Variants in ADAMTS2 observed in about 807,000 individuals in gnomAD.
ADAMTS2 encodes the protein A disintegrin and metalloproteinase with thrombospondin motifs 2.
In ADAMTS2, 50 loss-of-function variants were observed where a neutral mutation model predicts 123.0. That is an observed-to-expected ratio of 0.41 (90% CI 0.32 to 0.51). The LOEUF is 0.51. Among genes scored for constraint, ADAMTS2 ranks in the 20% least tolerant of loss-of-function variants. ADAMTS2 has a pLI of 0.35. For synonymous variants in ADAMTS2, 678 were observed against 695.4 expected (o/e 0.98, Z 0.39); for missense variants, 1,494 against 1,705.2 (o/e 0.88, Z 2.18).
chr5:179,130,052 A>C lies in ADAMTS2; in HGVS notation c.2337T>G (p.Asn779Lys). 6.2e-7 allele frequency: 1 copy of C among 1,614,116 alleles called. No homozygotes were observed. The highest frequency in any genetic ancestry group is 8.5e-7 in the Non-Finnish European group (1 of 1,180,026). The change falls in exon 16 of 22, where the codon AAT becomes AAG. Residue 779 changes from asparagine (N) to lysine (K), a missense_variant. Around this residue, in one of 6 missense-constraint regions of ADAMTS2, gnomAD observed 953 missense variants for 1,124.7 expected, o/e 0.85. Transcript: ENST00000251582. This position sits in a 1 kb window ranked among gnomAD's most constrained non-coding sequence, Gnocchi z 4.3. ...AGGTTTTGGAACTGGCATCCACGTC[A>C]TTCTCTTCATTTAAGATGAACTTGC... is the stretch of plus-strand genomic sequence containing the variant. ...ETGKFILNEE[N>K]DVDASSKTFI...
intron 4 of ADAMTS2, among the ~76,000 whole-genome samples, chr5:179,195,794 G>A (rs748214612): frequency 1.3e-5 from 2 of 152,174 alleles, no homozygotes; most frequent in South Asian, 2.1e-4. Flanking sequence ...TAAGGCCAGC[G>A]GGACAAGCGT....
intron 3 of ADAMTS2, among the ~76,000 whole-genome samples, chr5:179,249,526 G>C (rs1561633179): frequency 6.6e-6 from 1 of 152,116 alleles, no homozygotes; most frequent in African/African-American, 2.4e-5. Context: ...GATAAAAAGA[G>C]AGAAGGCTCC....
chr5:179,301,428 C>T (rs1410452662), intron 2 of ADAMTS2, among the ~76,000 whole-genome samples: 6 of 152,172 alleles, frequency 3.9e-5, no homozygotes, highest in African/African-American at 1.4e-4. Context: ...TATCATTATG[C>T]CCATTTTACA....
chr5:179,341,033 G>A (rs115561455), intron 2 of ADAMTS2, among the ~76,000 whole-genome samples: 1,762 of 152,206 alleles, frequency 0.012, 13 homozygotes, highest in Non-Finnish European at 0.019. Context: ...AATAACTTCC[G>A]TCTAGTCACT....
At chr5:179,275,968 A>G (rs1208565353) in intron 2 of ADAMTS2, among the ~76,000 whole-genome samples, 1 of 151,694 alleles carries the variant, frequency 6.6e-6, no homozygotes, top group African/African-American at 2.4e-5. Context: ...TCTGGGGAAG[A>G]GGCCTAGGAG....
rs1763518801 is a variant in ADAMTS2 at position 179,158,126 on chromosome 5, T to G, written c.1132+597A>C. 6.6e-6 allele frequency among the ~76,000 whole-genome samples: 1 copy of G among 151,948 alleles called. No individual in the cohort carries two copies. The highest frequency in any genetic ancestry group is 2.1e-4 in the South Asian group (1 of 4,816). On this transcript the variant is annotated intron_variant, in intron 6 of 21. Transcript: ENST00000251582. This position sits in a 1 kb window ranked among gnomAD's most constrained non-coding sequence, Gnocchi z 5.0. Reference sequence around the variant, plus strand: ...ACTACAGGCGCCCGCCACCATGCCCTGCTAATTTTTTTGTATTTTTATTAG... The same window carrying G: ...ACTACAGGCGCCCGCCACCATGCCCGGCTAATTTTTTTGTATTTTTATTAG...
intron 4 of ADAMTS2, 38 bp downstream of exon 4, chr5:179,207,475 T>TGGCCC: frequency 8.5e-6 from 5 of 588,616 alleles, no homozygotes; most frequent in Non-Finnish European, 9.6e-6. Flanking sequence ...TGGTTGACCC[T>TGGCCC]CCCCGCCCCA....
chr5:179,149,371 C>T (rs767069400), intron 10 of ADAMTS2, among the ~76,000 whole-genome samples: 2 of 152,208 alleles, frequency 1.3e-5, no homozygotes, highest in Non-Finnish European at 2.9e-5. Context: ...TCCAGGACTG[C>T]GAAGAACAAG....
rs929759486 is a variant in ADAMTS2, at chr5:179,128,866, G to A, written c.2458-748C>T. Among the ~76,000 whole-genome samples, 13 of 152,136 alleles carry A rather than the reference G, an allele frequency of 8.5e-5. No individual in the cohort carries two copies. Among genetic ancestry groups the A allele is most frequent in the Admixed American group, 7.9e-4 (12 of 15,264 alleles). On this transcript the variant is annotated intron_variant, in intron 16 of 21. Transcript: ENST00000251582. This position sits in a 1 kb window ranked among gnomAD's most constrained non-coding sequence, Gnocchi z 4.9. ...CTTAGGAACACTGGACAGCACTTCAGCAACAGGCTCAGGGTGATTTTCAAC... is the reference window on the plus strand; with the variant it reads ...CTTAGGAACACTGGACAGCACTTCAACAACAGGCTCAGGGTGATTTTCAAC...
At position 179,132,664 on chromosome 5, in the gene ADAMTS2, C is replaced by T. The variant is rs1762985085; in HGVS notation, c.2209+113G>A. ...CAGTGTCACAGACCTCTCCCCCTCC[C>T]CAGAACAGTCATAAGCCCGGACAGC... On this transcript the variant is annotated intron_variant, in intron 14 of 21. Transcript: ENST00000251582. The surrounding 1 kb of genome is among the most constrained non-coding windows in gnomAD (Gnocchi z 6.1). The T allele has an allele frequency of 2.0e-6, 3 of 1,502,100 alleles. No homozygotes were observed. In the Admixed American group the frequency reaches 5.1e-5, roughly 25 times the overall value. The allele number at this position is 1,502,100 out of a possible 1,614,324, so 93.0% of individuals were successfully genotyped here.
In ADAMTS2 at chr5:179,113,252, A is replaced by G. The variant is rs1762599095; in HGVS notation, c.*615T>C. 1 of 159,898 alleles carries G rather than the reference A, an allele frequency of 6.3e-6. No individual in the cohort carries two copies. Among genetic ancestry groups the G allele is most frequent in the Non-Finnish European group, 1.4e-5 (1 of 71,972 alleles). 9.9% of individuals were successfully genotyped at this position (159,898 alleles called of 1,614,324 possible). On this transcript the variant is annotated 3_prime_UTR_variant, in exon 22 of 22. Transcript: ENST00000251582. ...TAGTAGAGCAGAGATGGAGAGAGAT[A>G]CAGATTTCACAGTGGCAGCAACAGC... is the stretch of plus-strand genomic sequence containing the variant.
chr5:179,152,322 C>T (rs1310245721), intron 9 of ADAMTS2, 67 bp from the exon 10 acceptor site: 3 of 1,478,206 alleles, frequency 2.0e-6, no homozygotes, highest in South Asian at 2.3e-5. Flanking sequence ...ATGCCACCCA[C>T]CCCCGGGTTC....
intron 2 of ADAMTS2, among the ~76,000 whole-genome samples, chr5:179,329,499 T>G (rs1457857441): frequency 1.3e-5 from 2 of 152,142 alleles, no homozygotes; most frequent in Non-Finnish European, 2.9e-5. Context: ...AATGAACACT[T>G]AAAACCAACA....
In ADAMTS2 at chr5:179,234,768, A is replaced by G. The variant is rs1020776946; in HGVS notation, c.689-27053T>C. On this transcript the variant is annotated intron_variant, in intron 3 of 21. Transcript: ENST00000251582. This position sits in a 1 kb window ranked among gnomAD's most constrained non-coding sequence, Gnocchi z 4.7. The stretch of plus-strand genomic sequence containing the variant: ...TCAGCCCCTCCCTCTACCTGGATGC[A>G]GCAGCCTCCTCCCAGACCTGGCCCC... Among the ~76,000 whole-genome samples, 1 of 152,052 alleles carries G rather than the reference A, an allele frequency of 6.6e-6. No homozygotes were observed. The highest frequency in any genetic ancestry group is 6.5e-5 in the Admixed American group (1 of 15,270).
intron 3 of ADAMTS2, among the ~76,000 whole-genome samples, chr5:179,254,625 C>A (rs567620673): frequency 6.6e-6 from 1 of 152,224 alleles, no homozygotes; most frequent in African/African-American, 2.4e-5. Flanking sequence ...CAGATTAAGC[C>A]CACAAGAATA....
intron 3 of ADAMTS2, among the ~76,000 whole-genome samples, chr5:179,259,217 C>T (rs1002469081): frequency 2.0e-5 from 3 of 152,212 alleles, no homozygotes; most frequent in Non-Finnish European, 4.4e-5. Context: ...TTCGCATCTG[C>T]TGCCCTGGCC....
chr5:179,306,627 C>G (rs1454248176), intron 2 of ADAMTS2, among the ~76,000 whole-genome samples: 2 of 152,130 alleles, frequency 1.3e-5, no homozygotes, highest in Non-Finnish European at 2.9e-5. Flanking sequence ...GACCCTCAGG[C>G]CAGGGCAGGA....
intron 3 of ADAMTS2, among the ~76,000 whole-genome samples, chr5:179,208,245 A>T (rs2113377108): frequency 8.3e-6 from 1 of 120,976 alleles, no homozygotes; most frequent in African/African-American, 3.3e-5. Flanking sequence ...TGTCATCGCC[A>T]GCTGTTATGA....
intron 2 of ADAMTS2, among the ~76,000 whole-genome samples, chr5:179,283,549 C>CAAAA (rs3986816): frequency 0.02 from 1,015 of 51,262 alleles, 17 homozygotes; most frequent in Admixed American, 0.028. Flanking sequence ...AGAAAAACAG[C>CAAAA]AAAAAAAAAA....
Sources: gnomAD v4.1 joint callset for allele counts (sites outside exome capture counted in the v4.1 genomes callset) on GRCh38, gnomAD v4.1.1 for gene constraint, gnomAD v4.1.1 regional missense constraint, Gnocchi (gnomAD v3.1) non-coding constraint, MANE v1.5 for transcripts, NCBI Gene and HGNC (gene_info 2026-07-23, HGNC 2026-07-21) for gene names.